Variants in ARL15 observed in about 807,000 individuals in gnomAD.
ARL15 encodes the protein ADP-ribosylation factor-like protein 15.
A neutral mutation model predicts 25.2 loss-of-function variants in ARL15; 19 were observed. The ratio of observed to expected loss-of-function variants is 0.75; its 90% CI spans 0.53 to 1.10. ARL15 has a LOEUF of 1.10. Ranked by LOEUF, ARL15 falls within the 50% of genes least tolerant of loss-of-function variation. The pLI, the probability that ARL15 is intolerant of heterozygous loss-of-function variation, is 0.00. For missense variants in ARL15, 220 were observed against 246.0 expected, an observed-to-expected ratio of 0.89 and a Z score of 0.71; for synonymous variants, 94 against 86.8, an observed-to-expected ratio of 1.08 and a Z score of -0.46.
intron 4 of ARL15, among the ~76,000 whole-genome samples, chr5:53,982,954 T>C (rs1433771997): frequency 1.3e-5 from 2 of 152,192 alleles, no homozygotes; most frequent in African/African-American, 4.8e-5. Flanking sequence ...GACTTTTTCA[T>C]ATGTTTGTTG....
chr5:53,951,530 T>C lies in ARL15; in HGVS notation c.463-64817A>G, dbSNP rs375983171. The C allele has an allele frequency of 8.7e-4, 409 of 471,770 alleles. 2 individuals carry two copies. Among genetic ancestry groups the C allele is most frequent in the Non-Finnish European group, 1.4e-3 (321 of 226,818 alleles). 29.2% of individuals were successfully genotyped at this position (471,770 alleles called of 1,614,324 possible). A position where few individuals can be genotyped will look rare whatever the true frequency, so the allele number is the denominator to read the frequency against. On this transcript the variant is annotated intron_variant, in intron 4 of 4. Coordinates refer to ENST00000504924, the MANE Select transcript of ARL15 (RefSeq NM_019087.3). ...CAGGTGGTTCTGTGTAGGTATTCTT[T>C]GTGTTCTTTAGATCACACAAATTTT...
At chr5:54,012,517 ATTTCT>A (rs1749278460) in intron 4 of ARL15, among the ~76,000 whole-genome samples, 1 of 149,024 alleles carries the variant, frequency 6.7e-6, no homozygotes, top group Admixed American at 6.7e-5. Context: ...AAAAAATAAT[ATTTCT>A]TTTCTTTTTT....
At chr5:54,107,452 T>C (rs1413850525) in intron 4 of ARL15, among the ~76,000 whole-genome samples, 1 of 152,150 alleles carries the variant, frequency 6.6e-6, no homozygotes, top group Admixed American at 6.6e-5. Context: ...TAAAAGATTA[T>C]TAATATTAGA....
intron 4 of ARL15, among the ~76,000 whole-genome samples, chr5:53,898,583 C>A (rs1217093502): frequency 6.6e-6 from 1 of 152,004 alleles, no homozygotes; most frequent in South Asian, 2.1e-4. Flanking sequence ...ATTTGGCAAA[C>A]AATTTTTTTA....
chr5:54,143,567 T>C (rs2112317212), intron 3 of ARL15, among the ~76,000 whole-genome samples: 1 of 152,204 alleles, frequency 6.6e-6, no homozygotes, highest in South Asian at 2.1e-4. Context: ...CTTACATTTA[T>C]TGTGGTTATT....
chr5:54,212,971 A>G lies in ARL15; in HGVS notation c.49-41043T>C, dbSNP rs112732336. ...AAAGTTGTTAAATTAGATGTCTCTA[A>G]GGTCCCTTGACACACTAACATCCTG... On this transcript the variant is annotated intron_variant, in intron 1 of 4. Coordinates refer to ENST00000504924, the MANE Select transcript of ARL15 (RefSeq NM_019087.3). Among the ~76,000 whole-genome samples the G allele has an allele frequency of 8.7e-4, 133 of 152,338 alleles. 1 individual carries two copies. The highest frequency in any genetic ancestry group is 1.3e-3 in the Non-Finnish European group (87 of 68,038).
At chr5:54,289,588 G>C (rs750658759) in intron 1 of ARL15, among the ~76,000 whole-genome samples, 8 of 152,298 alleles carry the variant, frequency 5.3e-5, no homozygotes, top group Middle Eastern at 3.4e-3. Flanking sequence ...AATATTTATT[G>C]AGAAGCAGTT....
intron 4 of ARL15, among the ~76,000 whole-genome samples, chr5:53,888,448 T>C (rs1201115331): frequency 6.6e-6 from 1 of 152,002 alleles, no homozygotes; most frequent in Admixed American, 6.6e-5. Flanking sequence ...AACTGGCTAA[T>C]TTTTAAAAAA....
intron 3 of ARL15, among the ~76,000 whole-genome samples, chr5:54,120,576 C>T (rs1021447676): frequency 2.0e-5 from 3 of 152,100 alleles, no homozygotes; most frequent in South Asian, 2.1e-4. Flanking sequence ...TGTTCCCTTC[C>T]GTACTCCTGC....
At chr5:54,117,320 C>A (rs1752930882) in intron 3 of ARL15, among the ~76,000 whole-genome samples, 7 of 150,138 alleles carry the variant, frequency 4.7e-5, no homozygotes, top group Admixed American at 2.7e-4. Flanking sequence ...ACTATGTTTT[C>A]ATTGGCCACA....
chr5:53,968,858 T>C (rs1345952106), intron 4 of ARL15, among the ~76,000 whole-genome samples: 6 of 151,926 alleles, frequency 3.9e-5, no homozygotes, highest in African/African-American at 1.2e-4. Context: ...ACATCTTATA[T>C]CTTTTAAAAT....
chr5:54,289,519 A>G (rs1163992522), intron 1 of ARL15, among the ~76,000 whole-genome samples: 2 of 152,268 alleles, frequency 1.3e-5, no homozygotes, highest in Non-Finnish European at 2.9e-5. Flanking sequence ...TGCATAGGCA[A>G]ACACAGTATT....
In ARL15 at chr5:54,064,850, T is replaced by G. The variant is rs144567065; in HGVS notation, c.462+48352A>C. Among the ~76,000 whole-genome samples the G allele has an allele frequency of 1.7e-3, 264 of 152,314 alleles. 3 individuals are homozygous for G. Among genetic ancestry groups the G allele is most frequent in the African/African-American group, 6.1e-3 (253 of 41,568 alleles). On this transcript the variant is annotated intron_variant, in intron 4 of 4. Transcript: ENST00000504924. ...TATATGCAGATAAAAAAATACAGTA[T>G]TAGTGGGTTACAAAACCCACATTTA...
intron 4 of ARL15, among the ~76,000 whole-genome samples, chr5:54,033,423 A>G (rs1750059526): frequency 6.6e-6 from 1 of 152,136 alleles, no homozygotes; most frequent in Non-Finnish European, 1.5e-5. Context: ...TGATCCCAGC[A>G]CTTTGGGAGG....
intron 1 of ARL15, among the ~76,000 whole-genome samples, chr5:54,278,675 A>G (rs992442687): frequency 1.3e-5 from 2 of 152,086 alleles, no homozygotes; most frequent in African/African-American, 4.8e-5. Context: ...AAGCCTTCAT[A>G]TCTCCACCAC....
At chr5:54,296,281 TA>T (rs1256093416) in intron 1 of ARL15, among the ~76,000 whole-genome samples, 4 of 152,224 alleles carry the variant, frequency 2.6e-5, no homozygotes, top group Admixed American at 2.6e-4. Context: ...CCTTGTTTTA[TA>T]TACACTTTTG....
intron 4 of ARL15, among the ~76,000 whole-genome samples, chr5:54,033,893 A>G (rs924419041): frequency 6.6e-6 from 1 of 152,068 alleles, no homozygotes; most frequent in African/African-American, 2.4e-5. Flanking sequence ...GGCTCACTGC[A>G]TGCTCCGCCT....
In ARL15 at chr5:54,163,355, G is replaced by GTTTTTTTTTTTTTTTTTTTTTTT. The variant is rs1754465268; in HGVS notation, c.193+8428_193+8429insAAAAAAAAAAAAAAAAAAAAAAA. ...TGTCCATGAGGGCTATTGGTATGAA[G>GTTTTTTTTTTTTTTTTTTTTTTT]CTTTTTTTTTTTTTTTTTTTTTTTT... On this transcript the variant is annotated intron_variant, in intron 2 of 4. Transcript: ENST00000504924. Among the ~76,000 whole-genome samples the GTTTTTTTTTTTTTTTTTTTTTTT allele has an allele frequency of 1.4e-3, 71 of 51,340 alleles. 33 individuals are homozygous for GTTTTTTTTTTTTTTTTTTTTTTT. Among genetic ancestry groups the GTTTTTTTTTTTTTTTTTTTTTTT allele is most frequent in the African/African-American group, 2.9e-3 (35 of 12,068 alleles). The allele number at this position is 51,340 out of a possible 152,430, so 33.7% of individuals were successfully genotyped here. A position where few individuals can be genotyped will look rare whatever the true frequency, so the allele number is the denominator to read the frequency against.
At chr5:53,996,618 TAAAAAAAAAAAAAA>T (rs529752025) in intron 4 of ARL15, among the ~76,000 whole-genome samples, 1 of 98,888 alleles carries the variant, frequency 1.0e-5, no homozygotes, top group African/African-American at 3.7e-5. Flanking sequence ...GACTGTCTCA[TAAAAAAAAAAAAAA>T]AAAAAAAAAG....
Sources: allele counts gnomAD v4.1 joint callset (sites outside exome capture counted in the v4.1 genomes callset), GRCh38; gene constraint gnomAD v4.1.1; transcripts MANE v1.5; gene names NCBI Gene and HGNC (gene_info 2026-07-23, HGNC 2026-07-21).